Variants in SMTNL2 observed in about 807,000 individuals in gnomAD.
SMTNL2 encodes the protein smoothelin like 2, also known as smoothelin-like protein 2.
In SMTNL2, 43 loss-of-function variants were observed where a neutral mutation model predicts 44.1. The ratio of observed to expected loss-of-function variants is 0.98; its 90% CI spans 0.76 to 1.26. The LOEUF (loss-of-function observed/expected upper bound fraction) is 1.26. Among genes scored for constraint, SMTNL2 ranks in the 50% most tolerant of loss-of-function variants. The probability of loss-of-function intolerance (pLI) is 0.00; values close to 1 mark genes in which losing one functional copy is unlikely to be tolerated. For synonymous variants in SMTNL2, 317 were observed against 287.6 expected, an observed-to-expected ratio of 1.10 and a Z score of -1.03; for missense variants, 646 against 670.2, an observed-to-expected ratio of 0.96 and a Z score of 0.40.
rs1303215951 is a variant in SMTNL2 at position 4,598,566 on chromosome 17, G to A, written c.1259+1243G>A. 6.6e-6 allele frequency among the ~76,000 whole-genome samples: 1 copy of A among 152,162 alleles called. No homozygotes were observed. Among genetic ancestry groups the A allele is most frequent in the African/African-American group, 2.4e-5 (1 of 41,426 alleles). ...TGGCCGGGCACGGTGGCTCCCACCT[G>A]TAATCCTAGCACTTTGGGAGGCCAA... On this transcript the variant is annotated intron_variant, in intron 7 of 7. Coordinates refer to ENST00000389313, the MANE Select transcript of SMTNL2 (RefSeq NM_001114974.2). The surrounding 1 kb of genome is among the most constrained non-coding windows in gnomAD (Gnocchi z 4.8).
In SMTNL2 at chr17:4,592,894, G is replaced by T; in HGVS notation, c.488-35G>T. The T allele has an allele frequency of 6.3e-7, 1 of 1,586,584 alleles. No homozygotes were observed. On this transcript the variant is annotated intron_variant, in intron 2 of 7. Coordinates refer to ENST00000389313, the MANE Select transcript of SMTNL2 (RefSeq NM_001114974.2). The surrounding 1 kb of genome is among the most constrained non-coding windows in gnomAD (Gnocchi z 4.5). ...GTCCCAGGCCCCTGTGGCTGCCACAGCTGACCACCCACCCATGCTGGTCAC... is the reference window on the plus strand; with the variant it reads ...GTCCCAGGCCCCTGTGGCTGCCACATCTGACCACCCACCCATGCTGGTCAC...
chr17:4,588,039 C>G (rs1188146287), intron 1 of SMTNL2, among the ~76,000 whole-genome samples: 1 of 152,240 alleles, frequency 6.6e-6, no homozygotes, highest in Non-Finnish European at 1.5e-5. Flanking sequence ...ATGAAAGAAG[C>G]CAGACTCGCC....
Position 4,607,655 on chromosome 17 carries a change from T to A in SMTNL2, c.*168T>A. 1 of 1,111,810 alleles carries A rather than the reference T, an allele frequency of 9.0e-7. No homozygotes were observed. Among genetic ancestry groups the A allele is most frequent in the Non-Finnish European group, 1.3e-6 (1 of 799,244 alleles). 68.9% of individuals were successfully genotyped at this position (1,111,810 alleles called of 1,614,324 possible). ...CTTCGAGCCCAGCTGTGTTACTGAT[T>A]AAAAGTACTGCTGAGCTGTGGTCCG... On this transcript the variant is annotated 3_prime_UTR_variant, in exon 8 of 8. Transcript: ENST00000389313. The surrounding 1 kb of genome is among the most constrained non-coding windows in gnomAD (Gnocchi z 4.7).
chr17:4,595,235 G>A lies in SMTNL2; in HGVS notation c.897G>A (p.Glu299=). 1.2e-6 allele frequency: 2 copies of A among 1,613,262 alleles called. No homozygotes were observed. Among genetic ancestry groups the A allele is most frequent in the Non-Finnish European group, 1.7e-6 (2 of 1,179,990 alleles). Residue 299 remains glutamate, a synonymous_variant, in exon 5 of 8, where the codon GAG becomes GAA. Transcript: ENST00000389313. This position sits in a 1 kb window ranked among gnomAD's most constrained non-coding sequence, Gnocchi z 5.1. ...ATCGGCAGGGGGAGCGTCGCAGGGA[G>A]CTGGTGAGGTCGCAGACGCTGCCCC... The part of the protein sequence containing the change: ...QVHRQGERRR[E]LVRSQTLPRT...
chr17:4,595,011 A>AG lies in SMTNL2; in HGVS notation c.807-129dup. 1 of 1,191,846 alleles carries AG rather than the reference A, an allele frequency of 8.4e-7. No individual in the cohort carries two copies. The highest frequency in any genetic ancestry group is 1.2e-6 in the Non-Finnish European group (1 of 831,890). The allele number at this position is 1,191,846 out of a possible 1,614,324, so 73.8% of individuals were successfully genotyped here. Reference sequence around the variant, plus strand: ...GTCAAACCAGCTAGGGACCGGAGCAAGGGGGCCTCTTCTCTGAGCGCCCAT... The same window carrying AG: ...GTCAAACCAGCTAGGGACCGGAGCAAGGGGGGCCTCTTCTCTGAGCGCCCAT... On this transcript the variant is annotated intron_variant, in intron 4 of 7. Transcript: ENST00000389313. This position sits in a 1 kb window ranked among gnomAD's most constrained non-coding sequence, Gnocchi z 5.1.
rs970639591 is a variant in SMTNL2, at chr17:4,584,988, T to G, written c.383T>G (p.Leu128Arg). 1 of 1,371,088 alleles carries G rather than the reference T, an allele frequency of 7.3e-7. No homozygotes were observed. Among genetic ancestry groups the G allele is most frequent in the Admixed American group, 3.2e-5 (1 of 30,786 alleles). 84.9% of individuals were successfully genotyped at this position (1,371,088 alleles called of 1,614,324 possible). A position where few individuals can be genotyped will look rare whatever the true frequency, so the allele number is the denominator to read the frequency against. ...TTCGCCAGCCACGCCACCTTCTCGC[T>G]GTCCGGCCGCGGCCAGGTGAGCCCG... Reference protein sequence around the residue: ...ARFASHATFSLSGRGQSLDHD... With the variant: ...ARFASHATFSRSGRGQSLDHD... Residue 128 changes from leucine (L) to arginine (R), a missense_variant, in exon 1 of 8, where the codon CTG (leucine) becomes CGG (arginine). Coordinates refer to ENST00000389313, the MANE Select transcript of SMTNL2 (RefSeq NM_001114974.2).
chr17:4,601,572 G>A (rs1910031696), intron 7 of SMTNL2, among the ~76,000 whole-genome samples: 1 of 152,120 alleles, frequency 6.6e-6, no homozygotes, highest in South Asian at 2.1e-4. Flanking sequence ...CTCCCAGGCT[G>A]GAATACAGTG....
At chr17:4,586,817 C>A (rs890783797) in intron 1 of SMTNL2, among the ~76,000 whole-genome samples, 2 of 152,000 alleles carry the variant, frequency 1.3e-5, no homozygotes, top group Admixed American at 6.6e-5. Flanking sequence ...GGGGAATGAG[C>A]AGATGGGGTA....
At chr17:4,586,630 T>G (rs982866823) in intron 1 of SMTNL2, among the ~76,000 whole-genome samples, 1 of 152,190 alleles carries the variant, frequency 6.6e-6, no homozygotes, top group African/African-American at 2.4e-5. Flanking sequence ...AGTTGGTGGA[T>G]GAAGCTCAGG....
chr17:4,593,127 C>T lies in SMTNL2; in HGVS notation c.686C>T (p.Pro229Leu), dbSNP rs1909653040. The T allele has an allele frequency of 2.5e-6, 4 of 1,612,430 alleles. No homozygotes were observed. In the South Asian group the frequency reaches 3.3e-5, roughly 13 times the overall value. ...MSAATLGGLN[P>L]SPSEVITPWT... ...GCTGCCACCCTGGGGGGCCTCAACC[C>T]AAGCCCCAGCGAGGTCATCACGCCC... The change falls in exon 3 of 8, where the codon CCA becomes CTA. Residue 229 changes from proline (P) to leucine (L), a missense_variant. Pro to Leu is a moderately conservative substitution (Grantham distance 98). Transcript: ENST00000389313.
rs1339605746 is a variant in SMTNL2 at position 4,607,634 on chromosome 17, G to A, written c.*147G>A. ...GTGGCATGTGACGGCACTCCCCTTC[G>A]AGCCCAGCTGTGTTACTGATTAAAA... On this transcript the variant is annotated 3_prime_UTR_variant, in exon 8 of 8. Transcript: ENST00000389313. This position sits in a 1 kb window ranked among gnomAD's most constrained non-coding sequence, Gnocchi z 4.7. The A allele has an allele frequency of 1.1e-5, 14 of 1,277,080 alleles. No individual in the cohort carries two copies. Among genetic ancestry groups the A allele is most frequent in the Admixed American group, 2.4e-5 (1 of 42,388 alleles). The allele number at this position is 1,277,080 out of a possible 1,614,324, so 79.1% of individuals were successfully genotyped here.
chr17:4,600,452 C>T lies in SMTNL2; in HGVS notation c.1259+3129C>T, dbSNP rs534227401. 2.0e-5 allele frequency among the ~76,000 whole-genome samples: 3 copies of T among 152,318 alleles called. No individual in the cohort carries two copies. Among genetic ancestry groups the T allele is most frequent in the Non-Finnish European group, 4.4e-5 (3 of 68,022 alleles). ...AAGGAGGACACAGGTCCCCAAACCA[C>T]GGGTTCACCTTGCGTGAGGAATGAA... On this transcript the variant is annotated intron_variant, in intron 7 of 7. Transcript: ENST00000389313. The surrounding 1 kb of genome is among the most constrained non-coding windows in gnomAD (Gnocchi z 4.7).
intron 5 of SMTNL2, among the ~76,000 whole-genome samples, chr17:4,596,475 G>C (rs1909820407): frequency 6.6e-6 from 1 of 152,250 alleles, no homozygotes; most frequent in South Asian, 2.1e-4. Flanking sequence ...GAGCTCAGAA[G>C]GAGGAGTGGG....
intron 1 of SMTNL2, among the ~76,000 whole-genome samples, chr17:4,591,100 C>T (rs1321248722): frequency 3.9e-5 from 6 of 152,338 alleles, no homozygotes; most frequent in African/African-American, 1.4e-4. Flanking sequence ...CCTCCTTGCC[C>T]CACTGGGTCA....
intron 7 of SMTNL2, among the ~76,000 whole-genome samples, chr17:4,604,463 G>C (rs1226034389): frequency 6.6e-6 from 1 of 152,212 alleles, no homozygotes; most frequent in Non-Finnish European, 1.5e-5. Flanking sequence ...TAATGTTACA[G>C]TCTTGTCTCT....
intron 7 of SMTNL2, among the ~76,000 whole-genome samples, chr17:4,602,642 G>T (rs1910096961): frequency 6.6e-6 from 1 of 152,010 alleles, no homozygotes; most frequent in African/African-American, 2.4e-5. Flanking sequence ...ATTTTTAGTA[G>T]AGACGGGGTT....
Position 4,584,767 on chromosome 17 carries a change from C to A in SMTNL2, c.162C>A (p.Gly54=). The part of the protein sequence containing the change: ...RRVAEAMRLA[G]PLARTVADLQ... ...TGGCAGAGGCGATGCGCCTGGCCGG[C>A]CCCCTGGCGCGCACGGTGGCCGACC... The change falls in exon 1 of 8, where the codon GGC becomes GGA. Residue 54 remains glycine, a synonymous_variant. Transcript: ENST00000389313. 1 of 1,306,266 alleles carries A rather than the reference C, an allele frequency of 7.7e-7. No homozygotes were observed. Among genetic ancestry groups the A allele is most frequent in the Non-Finnish European group, 9.7e-7 (1 of 1,030,962 alleles). 80.9% of individuals were successfully genotyped at this position (1,306,266 alleles called of 1,614,324 possible).
intron 1 of SMTNL2, among the ~76,000 whole-genome samples, chr17:4,590,155 T>TG (rs1205984578): frequency 2.6e-5 from 4 of 151,790 alleles, no homozygotes; most frequent in African/African-American, 9.7e-5. Context: ...TTAGTAGAGA[T>TG]GGGGTTTCAC....
intron 1 of SMTNL2, among the ~76,000 whole-genome samples, chr17:4,588,357 G>C (rs114158880): frequency 7.9e-4 from 120 of 152,306 alleles, no homozygotes; most frequent in African/African-American, 2.7e-3. Flanking sequence ...TTTCCCGTGA[G>C]TGCCTCAGGC....
Sources: allele counts gnomAD v4.1 joint callset (sites outside exome capture counted in the v4.1 genomes callset), GRCh38; gene constraint gnomAD v4.1.1; non-coding constraint Gnocchi (gnomAD v3.1); transcripts MANE v1.5; gene names NCBI Gene and HGNC (gene_info 2026-07-23, HGNC 2026-07-21).